The following TBC1D8 variants were observed in gnomAD, a reference collection of about 807,000 sequenced individuals.
The protein encoded by TBC1D8 is BUB2-like protein 1.
Under a neutral mutation model 118.8 loss-of-function variants are expected in TBC1D8, and 65 were observed. The ratio of observed to expected loss-of-function variants is 0.55; its 90% CI spans 0.45 to 0.67. TBC1D8 has a LOEUF of 0.67. TBC1D8 is among the 30% of genes least tolerant of loss of function. The pLI, the probability that TBC1D8 is intolerant of heterozygous loss-of-function variation, is 0.00. For synonymous variants in TBC1D8, 566 were observed against 595.8 expected, an observed-to-expected ratio of 0.95 and a Z score of 0.73; for missense variants, 1,376 against 1,471.2, an observed-to-expected ratio of 0.94 and a Z score of 1.06.
intron 1 of TBC1D8, among the ~76,000 whole-genome samples, chr2:101,103,282 A>T (rs1676973382): frequency 6.6e-6 from 1 of 151,910 alleles, no homozygotes; most frequent in African/African-American, 2.4e-5. Context: ...TTGATACACA[A>T]AAAATGTTGA....
chr2:101,102,610 T>G (rs1676924822), intron 1 of TBC1D8, among the ~76,000 whole-genome samples: 1 of 149,946 alleles, frequency 6.7e-6, no homozygotes, highest in Non-Finnish European at 1.5e-5. Flanking sequence ...CTCACATAGG[T>G]TAAAAGTAAA....
At chr2:101,149,537 C>T (rs934683953) in intron 1 of TBC1D8, among the ~76,000 whole-genome samples, 1 of 152,196 alleles carries the variant, frequency 6.6e-6, no homozygotes, top group Non-Finnish European at 1.5e-5. Flanking sequence ...TGAGCGTTTA[C>T]GGGACAAACT....
intron 1 of TBC1D8, among the ~76,000 whole-genome samples, chr2:101,131,224 G>C (rs530356713): frequency 6.6e-6 from 1 of 152,282 alleles, no homozygotes; most frequent in Non-Finnish European, 1.5e-5. Context: ...TTAAAAACAA[G>C]GTTCCAGGCC....
At chr2:101,028,579 A>G in intron 12 of TBC1D8, 147 bp from the exon 13 acceptor site, 2 of 1,191,550 alleles carry the variant, frequency 1.7e-6, no homozygotes, top group Non-Finnish European at 1.1e-6. Flanking sequence ...GGCTTATTTT[A>G]GAGAAGCGAG....
At chr2:101,116,852 G>T (rs760205245) in intron 1 of TBC1D8, among the ~76,000 whole-genome samples, 3 of 152,056 alleles carry the variant, frequency 2.0e-5, no homozygotes, top group Non-Finnish European at 4.4e-5. Flanking sequence ...ATGTTGGCTA[G>T]GCTGGTCTCG....
chr2:101,079,629 G>T (rs1675116721), intron 2 of TBC1D8, among the ~76,000 whole-genome samples: 1 of 145,834 alleles, frequency 6.9e-6, no homozygotes. Context: ...TTCCACCTCA[G>T]CCTCTCAAAG....
intron 1 of TBC1D8, among the ~76,000 whole-genome samples, chr2:101,142,707 A>G (rs1679160520): frequency 6.6e-6 from 1 of 152,248 alleles, no homozygotes; most frequent in African/African-American, 2.4e-5. Flanking sequence ...AAGTTACAAA[A>G]ACACACAAAA....
At chr2:101,087,405 G>A (rs1675709431) in intron 2 of TBC1D8, among the ~76,000 whole-genome samples, 1 of 152,040 alleles carries the variant, frequency 6.6e-6, no homozygotes, top group African/African-American at 2.4e-5. Context: ...GGGAGGCCAA[G>A]GCAGGCAGAT....
At chr2:101,017,922 A>C in intron 17 of TBC1D8, 1 of 1,550,860 alleles carries the variant, frequency 6.4e-7, no homozygotes, top group Non-Finnish European at 8.7e-7. Flanking sequence ...GAACAAGAAG[A>C]GGAAAGCAAA....
At chr2:101,042,993 A>T (rs973728817) in intron 5 of TBC1D8, among the ~76,000 whole-genome samples, 1 of 152,146 alleles carries the variant, frequency 6.6e-6, no homozygotes, top group African/African-American at 2.4e-5. Context: ...CATGTCCACC[A>T]TCACACAACT....
At chr2:101,140,993 C>A (rs965011614) in intron 1 of TBC1D8, among the ~76,000 whole-genome samples, 7 of 152,146 alleles carry the variant, frequency 4.6e-5, no homozygotes, top group Non-Finnish European at 5.9e-5. Flanking sequence ...AACCTCCGAC[C>A]TCAGGTGATC....
chr2:101,143,629 A>T (rs1679206231), intron 1 of TBC1D8, among the ~76,000 whole-genome samples: 1 of 152,076 alleles, frequency 6.6e-6, no homozygotes, highest in Admixed American at 6.5e-5. Context: ...GTACGATCAC[A>T]GTTCACTGCA....
At chr2:101,082,767 C>T (rs1478446942) in intron 2 of TBC1D8, among the ~76,000 whole-genome samples, 1 of 152,006 alleles carries the variant, frequency 6.6e-6, no homozygotes, top group African/African-American at 2.4e-5. Context: ...TTGCCTGGGA[C>T]TTGGGGAGAG....
intron 2 of TBC1D8, among the ~76,000 whole-genome samples, chr2:101,069,003 GAA>G (rs146651880): frequency 1.6e-4 from 15 of 93,042 alleles, no homozygotes; most frequent in South Asian, 3.7e-4. Context: ...TCCGTTTCAA[GAA>G]AAAAAAAAAA....
chr2:101,011,251 T>A, intron 18 of TBC1D8, 200 bp downstream of exon 18: 1 of 675,732 alleles, frequency 1.5e-6, no homozygotes, highest in Non-Finnish European at 2.4e-6. Flanking sequence ...AGGAACTTGG[T>A]GGTGGGGGCA....
rs191150072 is a variant in TBC1D8 at position 101,124,047 on chromosome 2, C to T, written c.127+27080G>A. On this transcript the variant is annotated intron_variant, in intron 1 of 19. Coordinates refer to ENST00000409318, the MANE Select transcript of TBC1D8 (RefSeq NM_001330348.2). ...TGTCCTGTCCCTGGATTCATTACTT[C>T]GATAGACAGCTGGTTGTTTAGATTC... 6.2e-4 allele frequency among the ~76,000 whole-genome samples: 94 copies of T among 152,294 alleles called. 1 individual carries two copies. Among genetic ancestry groups the T allele is most frequent in the African/African-American group, 2.1e-3 (86 of 41,556 alleles).
intron 2 of TBC1D8, among the ~76,000 whole-genome samples, chr2:101,070,040 T>C (rs1683227583): frequency 1.3e-5 from 2 of 151,068 alleles, no homozygotes; most frequent in Non-Finnish European, 3.0e-5. Flanking sequence ...CTCAGTTTCC[T>C]GAGTAGCTGG....
intron 1 of TBC1D8, among the ~76,000 whole-genome samples, chr2:101,101,940 G>GTACAGCAAACCACCATGGGAT (rs1676864895): frequency 6.6e-6 from 1 of 151,602 alleles, no homozygotes; most frequent in South Asian, 2.1e-4. Context: ...GGGTCAATAG[G>GTACAGCAAACCACCATGGGAT]TACAGCAAAC....
chr2:101,113,038 C>A (rs746486186), intron 1 of TBC1D8, among the ~76,000 whole-genome samples: 2 of 152,112 alleles, frequency 1.3e-5, no homozygotes, highest in African/African-American at 4.8e-5. Flanking sequence ...GTCTGAATAA[C>A]GTATCACTTT....
Sources: gnomAD v4.1 joint callset for allele counts (sites outside exome capture counted in the v4.1 genomes callset) on GRCh38, gnomAD v4.1.1 for gene constraint, MANE v1.5 for transcripts, NCBI Gene and HGNC (gene_info 2026-07-23, HGNC 2026-07-21) for gene names.